Variants in PRKD1 observed in about 807,000 individuals in gnomAD.
PRKD1 encodes serine/threonine-protein kinase D1.
In PRKD1, 63 loss-of-function variants were observed where a neutral mutation model predicts 95.9. The observed-to-expected ratio is 0.66, with a 90% CI of 0.54 to 0.81. The LOEUF is 0.81. Ranked by LOEUF, PRKD1 falls within the 30% of genes least tolerant of loss-of-function variation. The pLI is 0.00. For missense variants in PRKD1, 1,048 were observed against 1,165.3 expected, an observed-to-expected ratio of 0.90 and a Z score of 1.47; for synonymous variants, 425 against 423.1, an observed-to-expected ratio of 1.00 and a Z score of -0.05.
chr14:29,710,027 G>T (rs1160785405), intron 2 of PRKD1, among the ~76,000 whole-genome samples: 1 of 152,060 alleles, frequency 6.6e-6, no homozygotes, highest in Non-Finnish European at 1.5e-5. Context: ...CTTTTTATAT[G>T]TTTAAGAAGG....
intron 1 of PRKD1, among the ~76,000 whole-genome samples, chr14:29,792,262 A>G (rs1171450101): frequency 6.6e-6 from 1 of 152,134 alleles, no homozygotes; most frequent in Non-Finnish European, 1.5e-5. Flanking sequence ...GATTTATGTC[A>G]CAGTAAAATT....
At chr14:29,763,604 C>T (rs191562223) in intron 1 of PRKD1, among the ~76,000 whole-genome samples, 14 of 152,132 alleles carry the variant, frequency 9.2e-5, no homozygotes, top group Admixed American at 3.9e-4. Context: ...GAAAGAAAGG[C>T]AGAAGTAGCC....
chr14:29,583,331 G>T (rs1892809690), intron 16 of PRKD1, among the ~76,000 whole-genome samples: 1 of 152,134 alleles, frequency 6.6e-6, no homozygotes. Context: ...TAGGGGAAAT[G>T]AGAATCCTTT....
At chr14:29,627,537 G>A (rs1879704813) in intron 11 of PRKD1, among the ~76,000 whole-genome samples, 1 of 152,050 alleles carries the variant, frequency 6.6e-6, no homozygotes, top group African/African-American at 2.4e-5. Flanking sequence ...TATTGTCTGT[G>A]ATTTCATTCT....
At chr14:29,656,493 C>G (rs1232000341) in intron 4 of PRKD1, 2 of 1,535,576 alleles carry the variant, frequency 1.3e-6, no homozygotes, top group African/African-American at 2.7e-5. Flanking sequence ...CCAGGACTCA[C>G]AGGAGACTGA....
Position 29,709,744 on chromosome 14 carries a change from C to T in PRKD1, c.403+15792G>A, listed in dbSNP as rs147442248. Among the ~76,000 whole-genome samples the T allele has an allele frequency of 2.7e-3, 413 of 152,228 alleles. 2 individuals carry two copies. The highest frequency in any genetic ancestry group is 0.014 in the Middle Eastern group (4 of 294). Reference sequence around the variant, plus strand: ...AGAGAGCAAAATTTCCCTAGTCATTCTTTTTATTCTATTCAGGCCTTCAAT... The same window carrying T: ...AGAGAGCAAAATTTCCCTAGTCATTTTTTTTATTCTATTCAGGCCTTCAAT... On this transcript the variant is annotated intron_variant, in intron 2 of 17. Coordinates refer to ENST00000331968, the MANE Select transcript of PRKD1 (RefSeq NM_002742.3).
intron 1 of PRKD1, among the ~76,000 whole-genome samples, chr14:29,881,889 T>C (rs1053345121): frequency 1.3e-5 from 2 of 152,326 alleles, no homozygotes; most frequent in East Asian, 1.9e-4. Context: ...GTGTTCCTCA[T>C]ACCAGAAATC....
intron 1 of PRKD1, among the ~76,000 whole-genome samples, chr14:29,750,616 G>GCGCGCA (rs72239992): frequency 7.3e-4 from 109 of 148,480 alleles, no homozygotes; most frequent in Admixed American, 2.4e-3. Context: ...ATGAACGCGC[G>GCGCGCA]CACACACACA....
chr14:29,630,774 C>T lies in PRKD1; in HGVS notation c.1640G>A (p.Gly547Asp), dbSNP rs928172227. Residue 547 changes from glycine to aspartate, a missense_variant, in exon 10 of 18, where the codon GGC (glycine) becomes GAC (aspartate). Gly to Asp is a moderately conservative substitution (Grantham distance 94). Around this residue, in one of 3 missense-constraint regions of PRKD1, gnomAD observed 739 missense variants for 861.9 expected, o/e 0.86. Transcript: ENST00000331968. ...GTTGGTTCCTGTACCCACGGAGGAG[C>T]CCTTGGGAATGACGGGCATAAGGGC... Reference protein sequence around the residue: ...QHALMPVIPKGSSVGTGTNLH... With the variant: ...QHALMPVIPKDSSVGTGTNLH... The T allele has an allele frequency of 1.9e-6, 3 of 1,613,890 alleles. No individual in the cohort carries two copies. The highest frequency in any genetic ancestry group is 8.5e-7 in the Non-Finnish European group (1 of 1,179,978).
chr14:29,724,974 A>C (rs1192005267), intron 2 of PRKD1, among the ~76,000 whole-genome samples: 1 of 152,172 alleles, frequency 6.6e-6, no homozygotes, highest in Non-Finnish European at 1.5e-5. Context: ...AACAAGAAAT[A>C]AAAAATGTGA....
rs577425897 is a variant in PRKD1 at position 29,631,787 on chromosome 14, C to T, written c.1393-766G>A. Among the ~76,000 whole-genome samples, 390 of 148,048 alleles carry T rather than the reference C, an allele frequency of 2.6e-3. 2 individuals are homozygous for T. Among genetic ancestry groups the T allele is most frequent in the African/African-American group, 9.6e-3 (373 of 38,676 alleles). On this transcript the variant is annotated intron_variant, in intron 9 of 17. Transcript: ENST00000331968. ...CTGGGATTACAAGGGTGAGCCACTGCGCCTGGCCTTTTATTTATTTATTTT... is the reference window on the plus strand; with the variant it reads ...CTGGGATTACAAGGGTGAGCCACTGTGCCTGGCCTTTTATTTATTTATTTT...
chr14:29,599,216 T>C (rs1893421558), intron 14 of PRKD1, 91 bp from the exon 15 acceptor site: 1 of 1,041,890 alleles, frequency 9.6e-7, no homozygotes, highest in Non-Finnish European at 1.4e-6. Context: ...AAACTGACAA[T>C]GGACATTCAA....
chr14:29,708,346 T>C (rs543684235), intron 2 of PRKD1, among the ~76,000 whole-genome samples: 1 of 152,176 alleles, frequency 6.6e-6, no homozygotes, highest in Non-Finnish European at 1.5e-5. Context: ...AACAGACAAT[T>C]GAAACTATTA....
At chr14:29,830,783 C>G (rs1242906488) in intron 1 of PRKD1, among the ~76,000 whole-genome samples, 1 of 151,854 alleles carries the variant, frequency 6.6e-6, no homozygotes, top group Non-Finnish European at 1.5e-5. Context: ...GCCTTGACCT[C>G]CTGGGCTCAA....
intron 1 of PRKD1, among the ~76,000 whole-genome samples, chr14:29,759,783 T>G (rs967032029): frequency 6.6e-6 from 1 of 152,122 alleles, no homozygotes; most frequent in Non-Finnish European, 1.5e-5. Context: ...ATGAAAGCCT[T>G]AGATGAAAGT....
rs187126454 is a variant in PRKD1, at chr14:29,697,405, A to G, written c.403+28131T>C. On this transcript the variant is annotated intron_variant, in intron 2 of 17. Coordinates refer to ENST00000331968, the MANE Select transcript of PRKD1 (RefSeq NM_002742.3). ...ACGTTTCTATAGCATAAATGAATACATGTACACAAGATTAAACATTTAATT... is the reference window on the plus strand; with the variant it reads ...ACGTTTCTATAGCATAAATGAATACGTGTACACAAGATTAAACATTTAATT... 3.9e-5 allele frequency among the ~76,000 whole-genome samples: 6 copies of G among 152,346 alleles called. No homozygotes were observed. The East Asian group carries it at 1.2e-3, about 29-fold the overall frequency.
chr14:29,730,807 A>G (rs978744926), intron 1 of PRKD1, among the ~76,000 whole-genome samples: 23 of 152,182 alleles, frequency 1.5e-4, no homozygotes, highest in African/African-American at 5.5e-4. Flanking sequence ...AAAAACCTGA[A>G]TGCATAAAAG....
At chr14:29,870,689 C>T (rs1347731625) in intron 1 of PRKD1, among the ~76,000 whole-genome samples, 1 of 152,100 alleles carries the variant, frequency 6.6e-6, no homozygotes, top group Non-Finnish European at 1.5e-5. Flanking sequence ...TCCATTTTTT[C>T]TTGCTACATC....
intron 4 of PRKD1, among the ~76,000 whole-genome samples, chr14:29,661,843 T>C (rs1882208696): frequency 6.6e-6 from 1 of 152,196 alleles, no homozygotes; most frequent in African/African-American, 2.4e-5. Flanking sequence ...ACTTAATAAA[T>C]ATCTGATTTG....
Sources: allele counts gnomAD v4.1 joint callset (sites outside exome capture counted in the v4.1 genomes callset), GRCh38; gene constraint gnomAD v4.1.1; regional missense constraint gnomAD v4.1.1; transcripts MANE v1.5; gene names NCBI Gene and HGNC (gene_info 2026-07-23, HGNC 2026-07-21).